Variants in TBRG1 observed in about 807,000 individuals in gnomAD.
The protein encoded by TBRG1 is transforming growth factor beta regulator 1.
A neutral mutation model predicts 44.0 loss-of-function variants in TBRG1; 31 were observed. The ratio of observed to expected loss-of-function variants is 0.70; its 90% CI spans 0.53 to 0.95. TBRG1 has a LOEUF of 0.95. Among genes scored for constraint, TBRG1 ranks in the 40% least tolerant of loss-of-function variants. TBRG1 has a pLI of 0.00. For synonymous variants in TBRG1, 171 were observed against 188.1 expected, an observed-to-expected ratio of 0.91 and a Z score of 0.74; for missense variants, 487 against 496.1, an observed-to-expected ratio of 0.98 and a Z score of 0.18.
chr11:124,623,410 A>G (rs888247704), intron 1 of TBRG1, 177 bp downstream of exon 1: 2 of 742,212 alleles, frequency 2.7e-6, no homozygotes, highest in African/African-American at 1.7e-5. Flanking sequence ...CTGTGTCCTC[A>G]TCTGTAAATG....
rs1388883609 is a variant in TBRG1, at chr11:124,632,939, CTTGA to C, written c.*705_*708del. ...AGGGAGATTCTGACAAACTTCTACT[CTTGA>C]TTGTGATCCTAATTCAAGGAATATC... On this transcript the variant is annotated 3_prime_UTR_variant, in exon 9 of 9. Transcript: ENST00000441174. 6.6e-6 allele frequency: 1 copy of C among 152,178 alleles called. No homozygotes were observed. The highest frequency in any genetic ancestry group is 1.5e-5 in the Non-Finnish European group (1 of 68,028). The allele number at this position is 152,178 out of a possible 1,614,324, so 9.4% of individuals were successfully genotyped here. A position where few individuals can be genotyped will look rare whatever the true frequency, so the allele number is the denominator to read the frequency against.
intron 4 of TBRG1, 34 bp from the exon 5 acceptor site, chr11:124,626,870 C>T (rs375884695): frequency 6.3e-7 from 1 of 1,590,268 alleles, no homozygotes; most frequent in Non-Finnish European, 8.6e-7. Flanking sequence ...TCTTCAGTGA[C>T]CTCAATCCCA....
rs565622107 is a variant in TBRG1, at chr11:124,624,961, C to T, written c.181C>T (p.Arg61Cys). 38 of 1,548,270 alleles carry T rather than the reference C, an allele frequency of 2.5e-5. No homozygotes were observed. The highest frequency in any genetic ancestry group is 1.4e-4 in the South Asian group (12 of 83,142). The change falls in exon 2 of 9, where the codon CGT (arginine) becomes TGT (cysteine). Residue 61 changes from arginine (R) to cysteine (C), a missense_variant. Coordinates refer to ENST00000441174, the MANE Select transcript of TBRG1 (RefSeq NM_032811.3). ...TGCTGCTATTTGTGATGAAATTGCT[C>T]GTCTTGAGGAAAAATTTCTTAAAGC... ...ENAAICDEIA[R>C]LEEKFLKAKE...
In TBRG1 at chr11:124,635,716, G is replaced by A. The variant is rs1445396352; in HGVS notation, c.*3478G>A. 1 of 152,198 alleles carries A rather than the reference G, an allele frequency of 6.6e-6. No individual in the cohort carries two copies. Among genetic ancestry groups the A allele is most frequent in the Non-Finnish European group, 1.5e-5 (1 of 68,042 alleles). The allele number at this position is 152,198 out of a possible 1,614,324, so 9.4% of individuals were successfully genotyped here. A position where few individuals can be genotyped will look rare whatever the true frequency, so the allele number is the denominator to read the frequency against. On this transcript the variant is annotated 3_prime_UTR_variant, in exon 9 of 9. Transcript: ENST00000441174. ...CATTTTTCACATTAAGGGGAGGAAA[G>A]CTACCCATAGATAGTATTCTTACTC...
rs898761830 is a variant in TBRG1, at chr11:124,634,964, G to T, written c.*2726G>T. 2 of 152,056 alleles carry T rather than the reference G, an allele frequency of 1.3e-5. No individual in the cohort carries two copies. Among genetic ancestry groups the T allele is most frequent in the African/African-American group, 4.8e-5 (2 of 41,374 alleles). 9.4% of individuals were successfully genotyped at this position (152,056 alleles called of 1,614,324 possible). ...TTAAAACTAAAAAGTTCTTACATTT[G>T]GGGAAATGCAGTGAATTCCCACATC... On this transcript the variant is annotated 3_prime_UTR_variant, in exon 9 of 9. Transcript: ENST00000441174.
chr11:124,631,378 C>T lies in TBRG1; in HGVS notation c.1051C>T (p.Gln351Ter). Residue 351 changes from glutamine (Q) to a stop codon, truncating the protein, a stop_gained, in exon 8 of 9, where the codon CAG becomes TAG. Transcript: ENST00000441174. LOFTEE classifies it high-confidence loss of function. Reference protein sequence around the residue: ...AAMSFEAFQRQIFDEDQNDPL... With the variant: ...AAMSFEAFQR ...TATGAGCTTTGAAGCCTTTCAGAGA[C>T]AGATCTTTGATGAAGATCAGAATGA... 2 of 1,613,912 alleles carry T rather than the reference C, an allele frequency of 1.2e-6. No individual in the cohort carries two copies. Among genetic ancestry groups the T allele is most frequent in the Non-Finnish European group, 1.7e-6 (2 of 1,179,824 alleles).
rs1001508638 is a variant in TBRG1 at position 124,635,685 on chromosome 11, A to C, written c.*3447A>C. 1 of 152,134 alleles carries C rather than the reference A, an allele frequency of 6.6e-6. No homozygotes were observed. The highest frequency in any genetic ancestry group is 1.5e-5 in the Non-Finnish European group (1 of 68,012). The allele number at this position is 152,134 out of a possible 1,614,324, so 9.4% of individuals were successfully genotyped here. A position where few individuals can be genotyped will look rare whatever the true frequency, so the allele number is the denominator to read the frequency against. On this transcript the variant is annotated 3_prime_UTR_variant, in exon 9 of 9. Transcript: ENST00000441174. ...TACAGTGAGTGATGCTTTTTGCTTT[A>C]GTTCTCATTTTTCACATTAAGGGGA...
chr11:124,623,405 T>A (rs1274924628), intron 1 of TBRG1, 172 bp downstream of exon 1: 10 of 758,174 alleles, frequency 1.3e-5, no homozygotes, highest in Admixed American at 8.0e-5. Context: ...TTTCTCTGTG[T>A]CCTCATCTGT....
At chr11:124,628,464 C>T (rs1394660821) in intron 5 of TBRG1, among the ~76,000 whole-genome samples, 1 of 142,144 alleles carries the variant, frequency 7.0e-6, no homozygotes, top group African/African-American at 2.6e-5. Context: ...AGGAAGAAAA[C>T]GTATGACAAA....
intron 3 of TBRG1, 123 bp from the exon 4 acceptor site, chr11:124,626,350 C>A: frequency 1.1e-6 from 1 of 900,938 alleles, no homozygotes; most frequent in Non-Finnish European, 1.7e-6. Context: ...GCCCCATATG[C>A]CCATTCAGTA....
In TBRG1 at chr11:124,623,000, A is replaced by G; in HGVS notation, c.-84A>G. On this transcript the variant is annotated 5_prime_UTR_variant, in exon 1 of 9. Transcript: ENST00000441174. Reference sequence around the variant, plus strand: ...AGGCCCGATTCCGCTAGCCCGGAACAGACAAAGCCAGCGCTCCCGCCCGCT... The same window carrying G: ...AGGCCCGATTCCGCTAGCCCGGAACGGACAAAGCCAGCGCTCCCGCCCGCT... The G allele has an allele frequency of 7.2e-7, 1 of 1,396,296 alleles. No homozygotes were observed. The highest frequency in any genetic ancestry group is 9.5e-7 in the Non-Finnish European group (1 of 1,055,346). The allele number at this position is 1,396,296 out of a possible 1,614,324, so 86.5% of individuals were successfully genotyped here. A position where few individuals can be genotyped will look rare whatever the true frequency, so the allele number is the denominator to read the frequency against.
chr11:124,625,052 G>C, intron 2 of TBRG1, 51 bp downstream of exon 2: 1 of 1,299,184 alleles, frequency 7.7e-7, no homozygotes, highest in Admixed American at 2.1e-5. Flanking sequence ...TGATTGATTT[G>C]GTGATTGATA....
rs2134323839 is a variant in TBRG1 at position 124,624,988 on chromosome 11, A to G, written c.208A>G (p.Lys70Glu). The change falls in exon 2 of 9, where the codon AAA becomes GAA. Residue 70 changes from lysine (K) to glutamate (E), a missense_variant. Physicochemically the swap from Lys to Glu is moderately conservative, Grantham distance 56. Transcript: ENST00000441174. ...ARLEEKFLKA[K>E]EERRYLLKKL... ...TCTTGAGGAAAAATTTCTTAAAGCA[A>G]AAGAAGAAAGAAGGTGAGCTGGCTT... 6.5e-7 allele frequency: 1 copy of G among 1,547,906 alleles called. No homozygotes were observed. The highest frequency in any genetic ancestry group is 2.4e-5 in the East Asian group (1 of 40,892).
chr11:124,631,557 A>G, intron 8 of TBRG1, 140 bp downstream of exon 8: 1 of 926,584 alleles, frequency 1.1e-6, no homozygotes, highest in South Asian at 1.5e-5. Context: ...CGGAGTGCTG[A>G]GTTAGAGGGG....
chr11:124,624,648 C>G (rs1324842666), intron 1 of TBRG1, among the ~76,000 whole-genome samples: 1 of 152,194 alleles, frequency 6.6e-6, no homozygotes, highest in African/African-American at 2.4e-5. Context: ...TTGCCCAGGA[C>G]AGTCCTGGTT....
Position 124,630,814 on chromosome 11 carries a change from C to T in TBRG1, c.906C>T (p.His302=). The T allele has an allele frequency of 6.2e-7, 1 of 1,605,388 alleles. No individual in the cohort carries two copies. The highest frequency in any genetic ancestry group is 8.5e-7 in the Non-Finnish European group (1 of 1,175,730). Residue 302 remains histidine, a synonymous_variant, in exon 7 of 9, where the codon CAC becomes CAT. Coordinates refer to ENST00000441174, the MANE Select transcript of TBRG1 (RefSeq NM_032811.3). ...DFFGFSHPAI[H]NLIQSCPGAR... ...TTGGATTTTCTCATCCAGCCATCCA[C>T]AACCTGATCCAGAGCTGTCCAGGAG... is the stretch of plus-strand genomic sequence containing the variant.
intron 2 of TBRG1, 66 bp downstream of exon 2, chr11:124,625,067 T>G (rs1275148063): frequency 6.1e-6 from 7 of 1,150,518 alleles, no homozygotes; most frequent in African/African-American, 1.6e-5. Context: ...TTGATAATGG[T>G]GTTACTGCTC....
chr11:124,624,180 C>A (rs1280784206), intron 1 of TBRG1, among the ~76,000 whole-genome samples: 1 of 151,778 alleles, frequency 6.6e-6, no homozygotes, highest in African/African-American at 2.4e-5. Context: ...TCAAAGGTAC[C>A]TAAAGCTTGG....
At chr11:124,628,116 T>TATACAC (rs1565400621) in intron 5 of TBRG1, among the ~76,000 whole-genome samples, 4 of 41,960 alleles carry the variant, frequency 9.5e-5, no homozygotes, top group Admixed American at 3.3e-4. Context: ...TATATATATA[T>TATACAC]ACACACACAC....
Sources: gnomAD v4.1 joint callset for allele counts (sites outside exome capture counted in the v4.1 genomes callset) on GRCh38, gnomAD v4.1.1 for gene constraint, MANE v1.5 for transcripts, NCBI Gene and HGNC (gene_info 2026-07-23, HGNC 2026-07-21) for gene names.